Variants in ENTPD7 observed in about 807,000 individuals in gnomAD.
ENTPD7 encodes the protein NTPDase 7.
In ENTPD7, 53 loss-of-function variants were observed where a neutral mutation model predicts 77.9. That is an observed-to-expected ratio of 0.68 (90% CI 0.55 to 0.85). ENTPD7 has a LOEUF of 0.85. Ranked by LOEUF, ENTPD7 falls within the 40% of genes least tolerant of loss-of-function variation. ENTPD7 has a pLI of 0.00. For missense variants in ENTPD7, 636 were observed against 743.7 expected (o/e 0.86, Z 1.68); for synonymous variants, 248 against 274.9 (o/e 0.90, Z 0.97).
rs187189660 is a variant in ENTPD7, at chr10:99,682,626, G to A, written c.548+2751G>A. Among the ~76,000 whole-genome samples the A allele has an allele frequency of 3.3e-5, 5 of 152,172 alleles. No homozygotes were observed. The East Asian group carries it at 5.8e-4, about 18-fold the overall frequency. ...CCTGCTACCCTATCAAAACTGTTTC[G>A]TTTTGTTGTATTCCCTCCTTTCTGT... is the stretch of plus-strand genomic sequence containing the variant. On this transcript the variant is annotated intron_variant, in intron 5 of 12. Transcript: ENST00000370489.
intron 2 of ENTPD7, chr10:99,660,536 ACACAC>A: frequency 3.2e-6 from 1 of 309,434 alleles, no homozygotes; most frequent in Non-Finnish European, 6.4e-6. Context: ...GCACACACAC[ACACAC>A]ACACACACAC....
At position 99,710,389 on chromosome 10, in the gene ENTPD7, T is replaced by A; in HGVS notation, c.*5706T>A. ...GTACATGCCATGTACTCCCCCTTTATTTCTACCTTGATCAATGGCCTCTGC... is the reference window on the plus strand; with the variant it reads ...GTACATGCCATGTACTCCCCCTTTAATTCTACCTTGATCAATGGCCTCTGC... On this transcript the variant is annotated 3_prime_UTR_variant, in exon 13 of 13. Coordinates refer to ENST00000370489, the MANE Select transcript of ENTPD7 (RefSeq NM_020354.5). 1 of 985,460 alleles carries A rather than the reference T, an allele frequency of 1.0e-6. No homozygotes were observed. The highest frequency in any genetic ancestry group is 1.2e-6 in the Non-Finnish European group (1 of 829,936). 61.0% of individuals were successfully genotyped at this position (985,460 alleles called of 1,614,324 possible).
In ENTPD7 at chr10:99,679,881, A is replaced by T. The variant is rs1356193415; in HGVS notation, c.548+6A>T. 6.2e-7 allele frequency: 1 copy of T among 1,609,608 alleles called. No individual in the cohort carries two copies. The highest frequency in any genetic ancestry group is 1.3e-5 in the African/African-American group (1 of 74,680). ...ATGAGGCTTCTCCCTGAGAGGTGAG[A>T]TGCAGGGTACAGGAAACACAGGAAA... On this transcript the variant is annotated splice_donor_region_variant and intron_variant, in intron 5 of 12. Coordinates refer to ENST00000370489, the MANE Select transcript of ENTPD7 (RefSeq NM_020354.5).
At chr10:99,672,039 A>G (rs1269412700) in intron 3 of ENTPD7, among the ~76,000 whole-genome samples, 1 of 152,188 alleles carries the variant, frequency 6.6e-6, no homozygotes, top group East Asian at 1.9e-4. Flanking sequence ...GTGAAATTGA[A>G]AGCATTTATT....
chr10:99,705,728 A>C lies in ENTPD7; in HGVS notation c.*1045A>C, dbSNP rs529157482. 1.3e-5 allele frequency: 2 copies of C among 152,288 alleles called. No individual in the cohort carries two copies. The highest frequency in any genetic ancestry group is 3.9e-4 in the East Asian group (2 of 5,186). The allele number at this position is 152,288 out of a possible 1,614,324, so 9.4% of individuals were successfully genotyped here. A position where few individuals can be genotyped will look rare whatever the true frequency, so the allele number is the denominator to read the frequency against. ...AGAAATAGAAGTTTCTCAATTTATGACTCTTGGAATGTCTGAAAGGGAGCA... is the reference window on the plus strand; with the variant it reads ...AGAAATAGAAGTTTCTCAATTTATGCCTCTTGGAATGTCTGAAAGGGAGCA... On this transcript the variant is annotated 3_prime_UTR_variant, in exon 13 of 13. Transcript: ENST00000370489.
chr10:99,688,289 T>A (rs1208908891), intron 6 of ENTPD7, among the ~76,000 whole-genome samples: 1 of 152,214 alleles, frequency 6.6e-6, no homozygotes, highest in African/African-American at 2.4e-5. Context: ...CCCGGTGTGC[T>A]CATTATCATT....
At position 99,679,688 on chromosome 10, in the gene ENTPD7, A is replaced by G. The variant is rs148174353; in HGVS notation, c.398-37A>G. The G allele has an allele frequency of 5.7e-6, 9 of 1,586,008 alleles. No homozygotes were observed. In the African/African-American group the frequency reaches 1.1e-4, roughly 19 times the overall value. ...CTGAGTCTTATGTGAGCCGCTTTTT[A>G]AAGAAAGTTTTGTCTGTTTGTTTGT... On this transcript the variant is annotated intron_variant, in intron 4 of 12. Coordinates refer to ENST00000370489, the MANE Select transcript of ENTPD7 (RefSeq NM_020354.5).
chr10:99,699,112 A>C (rs1363640527), intron 10 of ENTPD7, among the ~76,000 whole-genome samples: 1 of 152,218 alleles, frequency 6.6e-6, no homozygotes, highest in Admixed American at 6.5e-5. Context: ...ACCCAGGCAT[A>C]AAATTTTTGT....
chr10:99,710,084 T>C lies in ENTPD7; in HGVS notation c.*5401T>C, dbSNP rs769776249. 81 of 985,294 alleles carry C rather than the reference T, an allele frequency of 8.2e-5. No individual in the cohort carries two copies. Among genetic ancestry groups the C allele is most frequent in the Non-Finnish European group, 9.5e-5 (79 of 829,924 alleles). The allele number at this position is 985,294 out of a possible 1,614,324, so 61.0% of individuals were successfully genotyped here. Reference sequence around the variant, plus strand: ...CAGGCTAGCATAAAGACATGTCTGCTCCTGAGCCTCTTCTTTTAAAGGGCA... The same window carrying C: ...CAGGCTAGCATAAAGACATGTCTGCCCCTGAGCCTCTTCTTTTAAAGGGCA... On this transcript the variant is annotated 3_prime_UTR_variant, in exon 13 of 13. Coordinates refer to ENST00000370489, the MANE Select transcript of ENTPD7 (RefSeq NM_020354.5).
rs201693312 is a variant in ENTPD7, at chr10:99,696,140, T to G, written c.1010+18T>G. 8.1e-6 allele frequency: 13 copies of G among 1,611,468 alleles called. No individual in the cohort carries two copies. Among genetic ancestry groups the G allele is most frequent in the Non-Finnish European group, 1.0e-5 (12 of 1,178,796 alleles). On this transcript the variant is annotated intron_variant, in intron 9 of 12. Transcript: ENST00000370489. ...AAAAACAGGTACATTTGATATGGGA[T>G]CTGAGTTTCTGAAATATAATGTCAG...
intron 2 of ENTPD7, chr10:99,660,561 C>CACACACACACACAG (rs2035469724): frequency 3.5e-6 from 1 of 282,298 alleles, no homozygotes; most frequent in South Asian, 2.9e-5. Flanking sequence ...CACACACACA[C>CACACACACACACAG]AGAGATATAT....
chr10:99,661,744 G>A (rs780907827), intron 3 of ENTPD7, 116 bp downstream of exon 3: 1 of 896,592 alleles, frequency 1.1e-6, no homozygotes, highest in Non-Finnish European at 1.6e-6. Flanking sequence ...AAAATTGCAT[G>A]CCATTTATTA....
chr10:99,677,146 T>C (rs2035691908), intron 3 of ENTPD7, among the ~76,000 whole-genome samples: 1 of 152,146 alleles, frequency 6.6e-6, no homozygotes, highest in Non-Finnish European at 1.5e-5. Context: ...GGGGTGGTTT[T>C]ATTGTGAAGC....
rs1289573440 is a variant in ENTPD7, at chr10:99,711,100, A to AT, written c.*6417_*6418insT. 10 of 817,094 alleles carry AT rather than the reference A, an allele frequency of 1.2e-5. No individual in the cohort carries two copies. The highest frequency in any genetic ancestry group is 1.4e-5 in the Non-Finnish European group (10 of 723,102). 50.6% of individuals were successfully genotyped at this position (817,094 alleles called of 1,614,324 possible). A position where few individuals can be genotyped will look rare whatever the true frequency, so the allele number is the denominator to read the frequency against. On this transcript the variant is annotated 3_prime_UTR_variant, in exon 13 of 13. Coordinates refer to ENST00000370489, the MANE Select transcript of ENTPD7 (RefSeq NM_020354.5). ...TGGGAGTGCTGGGAATAACATAAATACAAAAAAAACCCTAAGATAATCATT... is the reference window on the plus strand; with the variant it reads ...TGGGAGTGCTGGGAATAACATAAATATCAAAAAAAACCCTAAGATAATCATT...
chr10:99,695,415 A>G (rs1002181594), intron 8 of ENTPD7, among the ~76,000 whole-genome samples: 3 of 152,080 alleles, frequency 2.0e-5, no homozygotes, highest in African/African-American at 7.2e-5. Flanking sequence ...CCAACTACTC[A>G]GGAGGCTGAG....
chr10:99,667,328 A>G (rs962000502), intron 3 of ENTPD7, among the ~76,000 whole-genome samples: 2 of 152,250 alleles, frequency 1.3e-5, no homozygotes, highest in African/African-American at 2.4e-5. Flanking sequence ...CGATGACTCT[A>G]TGATAGCACT....
intron 3 of ENTPD7, among the ~76,000 whole-genome samples, chr10:99,670,436 T>G (rs2035606510): frequency 1.3e-5 from 2 of 152,136 alleles, no homozygotes; most frequent in African/African-American, 4.8e-5. Flanking sequence ...TTGTTAAAAT[T>G]TATTAATTTT....
chr10:99,698,608 A>G lies in ENTPD7; in HGVS notation c.1085A>G (p.Asp362Gly), dbSNP rs2036037154. ...LDPCLPVGLT[D>G]VVERNSQVLH... ...CCCTGCCTGCCAGTGGGACTCACAG[A>G]TGTGGTGGAGAGGAACAGCCAAGTC... is the stretch of plus-strand genomic sequence containing the variant. Residue 362 changes from aspartate (D) to glycine (G), a missense_variant, in exon 10 of 13, where the codon GAT becomes GGT. Coordinates refer to ENST00000370489, the MANE Select transcript of ENTPD7 (RefSeq NM_020354.5). 6.2e-7 allele frequency: 1 copy of G among 1,614,076 alleles called. No individual in the cohort carries two copies. The highest frequency in any genetic ancestry group is 8.5e-7 in the Non-Finnish European group (1 of 1,180,044).
chr10:99,702,424 C>T (rs1375137968), intron 11 of ENTPD7, 88 bp from the exon 12 acceptor site: 1 of 1,187,934 alleles, frequency 8.4e-7, no homozygotes, highest in African/African-American at 1.6e-5. Flanking sequence ...CTTTTAATAA[C>T]TTGTGGGAAT....
Sources: allele counts gnomAD v4.1 joint callset (sites outside exome capture counted in the v4.1 genomes callset), GRCh38; gene constraint gnomAD v4.1.1; transcripts MANE v1.5; gene names NCBI Gene and HGNC (gene_info 2026-07-23, HGNC 2026-07-21).